SUMF1: variants seen among roughly 807,000 people sequenced by gnomAD.
SUMF1 encodes formylglycine-generating enzyme.
Under a neutral mutation model 47.6 loss-of-function variants are expected in SUMF1, and 48 were observed. That is an observed-to-expected ratio of 1.01 (90% CI 0.80 to 1.28). SUMF1 has a LOEUF of 1.28. SUMF1 is among the 50% of genes most tolerant of loss of function. The probability of loss-of-function intolerance (pLI) is 0.00; values close to 1 mark genes in which losing one functional copy is unlikely to be tolerated. For missense variants in SUMF1, 571 were observed against 485.4 expected (o/e 1.18, Z -1.66); for synonymous variants, 230 against 192.1 (o/e 1.20, Z -1.63).
At chr3:4,283,103 C>G (rs1281929046) in intron 8 of SUMF1, among the ~76,000 whole-genome samples, 1 of 152,140 alleles carries the variant, frequency 6.6e-6, no homozygotes, top group African/African-American at 2.4e-5. Flanking sequence ...CCTTGAGGAT[C>G]TTTAGACTCT....
At chr3:4,194,910 C>T (rs1695396155) in intron 8 of SUMF1, among the ~76,000 whole-genome samples, 1 of 152,112 alleles carries the variant, frequency 6.6e-6, no homozygotes, top group African/African-American at 2.4e-5. Context: ...AGAGTTAACA[C>T]TTCTGTAAAG....
downstream of SUMF1, among the ~76,000 whole-genome samples, chr3:4,360,833 C>T (rs1322554517): frequency 6.6e-6 from 1 of 152,174 alleles, no homozygotes; most frequent in Admixed American, 6.5e-5. Context: ...AGGTTGAAAG[C>T]TATTGTTCTA....
intron 8 of SUMF1, among the ~76,000 whole-genome samples, chr3:4,158,975 C>T (rs1694514196): frequency 6.6e-6 from 1 of 151,590 alleles, no homozygotes; most frequent in Non-Finnish European, 1.5e-5. Context: ...AGTCTACTTA[C>T]ATTCAATGTT....
At chr3:4,291,520 T>G (rs963535056) in intron 8 of SUMF1, among the ~76,000 whole-genome samples, 16 of 152,176 alleles carry the variant, frequency 1.1e-4, no homozygotes, top group Non-Finnish European at 1.9e-4. Flanking sequence ...AGAAAAGGTT[T>G]GCAGTGAATA....
At chr3:4,124,234 G>A (rs1316040819) in intron 8 of SUMF1, among the ~76,000 whole-genome samples, 1 of 152,090 alleles carries the variant, frequency 6.6e-6, no homozygotes, top group Non-Finnish European at 1.5e-5. Context: ...ATGGCATCAA[G>A]ACAGTACAAT....
At chr3:4,309,020 G>A (rs1003703248) in intron 8 of SUMF1, among the ~76,000 whole-genome samples, 2 of 152,168 alleles carry the variant, frequency 1.3e-5, no homozygotes, top group Admixed American at 6.5e-5. Flanking sequence ...ACGTACATTG[G>A]TTCAGTCCAG....
At position 4,427,276 on chromosome 3, in the gene SUMF1, C is replaced by T. The variant is rs559946495; in HGVS notation, c.520-7130G>A. Among the ~76,000 whole-genome samples, 18 of 152,246 alleles carry T rather than the reference C, an allele frequency of 1.2e-4. No homozygotes were observed. In the East Asian group the frequency reaches 2.9e-3, roughly 24 times the overall value. ...TTTAAAAGATGGACGTTTCTTGAAA[C>T]GTAGTATAAACATGACAGCTACCCC... On this transcript the variant is annotated intron_variant, in intron 3 of 8. Transcript: ENST00000272902.
intron 1 of SUMF1, among the ~76,000 whole-genome samples, chr3:4,465,365 C>CT (rs1298335405): frequency 6.6e-6 from 1 of 151,856 alleles, no homozygotes; most frequent in Non-Finnish European, 1.5e-5. Context: ...ATCCCAGCTA[C>CT]TTGGGAGGCT....
chr3:4,416,145 T>C (rs1053929569), intron 6 of SUMF1, among the ~76,000 whole-genome samples: 4 of 152,148 alleles, frequency 2.6e-5, no homozygotes, highest in Admixed American at 6.5e-5. Context: ...GAGGAAAACA[T>C]GCCCCAAGCA....
In SUMF1 at chr3:4,106,214, T is replaced by G. The variant is rs566160792; in HGVS notation, c.1015-37469A>C. 2.6e-5 allele frequency among the ~76,000 whole-genome samples: 4 copies of G among 152,218 alleles called. No individual in the cohort carries two copies. In the South Asian group the frequency reaches 8.3e-4, roughly 32 times the overall value. On this transcript the variant is annotated intron_variant and NMD_transcript_variant, in intron 8 of 12. Coordinates refer to the SUMF1 transcript ENST00000448413. ...GTTTAGAAACTTTTATTTTTGAGGT[T>G]TAGGCTATGTGATCGGGCATCAAAA...
intron 8 of SUMF1, among the ~76,000 whole-genome samples, chr3:4,277,142 A>G (rs974290940): frequency 1.4e-4 from 22 of 152,232 alleles, no homozygotes; most frequent in African/African-American, 5.1e-4. Flanking sequence ...CCCAATCCCT[A>G]AACAAACTGA....
intron 8 of SUMF1, among the ~76,000 whole-genome samples, chr3:4,162,447 T>C (rs1694601419): frequency 6.6e-6 from 1 of 152,114 alleles, no homozygotes; most frequent in African/African-American, 2.4e-5. Flanking sequence ...CCAGAGCCCT[T>C]TACCCAGCAG....
At chr3:4,434,128 A>C (rs1343948138) in intron 3 of SUMF1, among the ~76,000 whole-genome samples, 1 of 152,248 alleles carries the variant, frequency 6.6e-6, no homozygotes, top group Admixed American at 6.5e-5. Flanking sequence ...CAGAGGCTGA[A>C]GAGTTATTGT....
At chr3:4,137,585 ACGTTGTG>A (rs1693969004) in intron 8 of SUMF1, among the ~76,000 whole-genome samples, 1 of 152,176 alleles carries the variant, frequency 6.6e-6, no homozygotes, top group African/African-American at 2.4e-5. Context: ...ACAAACCTGC[ACGTTGTG>A]CACATGTACC....
intron 3 of SUMF1, among the ~76,000 whole-genome samples, chr3:4,422,445 T>G (rs1307555580): frequency 3.9e-5 from 6 of 152,152 alleles, no homozygotes; most frequent in Non-Finnish European, 8.8e-5. Flanking sequence ...GAATGACTTT[T>G]CTTCTCATAC....
chr3:4,364,201 T>C (rs867191142), intron 8 of SUMF1, among the ~76,000 whole-genome samples: 2 of 138,910 alleles, frequency 1.4e-5, no homozygotes, highest in African/African-American at 5.0e-5. Flanking sequence ...TGGTTGAGTC[T>C]CTGCCCGGCT....
chr3:4,141,809 G>A (rs1382253000), intron 8 of SUMF1, among the ~76,000 whole-genome samples: 1 of 152,126 alleles, frequency 6.6e-6, no homozygotes, highest in East Asian at 1.9e-4. Flanking sequence ...CCAGCCTGGG[G>A]CAATCCATAG....
chr3:4,075,534 A>G (rs1483742310), intron 8 of SUMF1, among the ~76,000 whole-genome samples: 1 of 152,106 alleles, frequency 6.6e-6, no homozygotes, highest in East Asian at 1.9e-4. Context: ...CAATTAGGAA[A>G]AGAGGAAGTC....
chr3:4,217,459 C>A (rs1292002358), intron 8 of SUMF1, among the ~76,000 whole-genome samples: 2 of 124,296 alleles, frequency 1.6e-5, no homozygotes, highest in Admixed American at 8.7e-5. Context: ...CACATGTATA[C>A]CTATGTAACA....
Sources: gnomAD v4.1 joint callset for allele counts (sites outside exome capture counted in the v4.1 genomes callset) on GRCh38, gnomAD v4.1.1 for gene constraint, MANE v1.5 for transcripts, NCBI Gene and HGNC (gene_info 2026-07-23, HGNC 2026-07-21) for gene names.